TEAD1: variants seen among roughly 807,000 people sequenced by gnomAD.
The protein encoded by TEAD1 is transcriptional enhancer factor TEF-1.
A neutral mutation model predicts 54.9 loss-of-function variants in TEAD1; 9 were observed. That is an observed-to-expected ratio of 0.16 (90% CI 0.10 to 0.29). The LOEUF is 0.29. TEAD1 is among the 10% of genes least tolerant of loss of function. TEAD1 has a pLI of 1.00. For missense variants in TEAD1, 387 were observed against 535.9 expected (o/e 0.72, Z 2.74); for synonymous variants, 200 against 187.8 (o/e 1.07, Z -0.53).
chr11:12,758,345 ATCC>A (rs1292079658), intron 2 of TEAD1, among the ~76,000 whole-genome samples: 1 of 149,830 alleles, frequency 6.7e-6, no homozygotes, highest in African/African-American at 2.5e-5. Flanking sequence ...GGTTTGAGTA[ATCC>A]TCCTGCCTCA....
At chr11:12,744,863 C>T (rs939119782) in intron 2 of TEAD1, among the ~76,000 whole-genome samples, 1 of 152,140 alleles carries the variant, frequency 6.6e-6, no homozygotes. Context: ...CGTTGAGGCA[C>T]CTGGCTCCCC....
At chr11:12,742,623 T>C (rs1250440858) in intron 2 of TEAD1, among the ~76,000 whole-genome samples, 1 of 152,212 alleles carries the variant, frequency 6.6e-6, no homozygotes, top group African/African-American at 2.4e-5. Flanking sequence ...GTGATGGATA[T>C]GTTAATTCAT....
intron 4 of TEAD1, 23 bp from the exon 5 acceptor site, chr11:12,864,815 T>TC (rs765509697): frequency 3.7e-6 from 6 of 1,613,866 alleles, no homozygotes; most frequent in Non-Finnish European, 5.1e-6. Context: ...TCCTTTGTTT[T>TC]CCTCCCTTCC....
intron 3 of TEAD1, among the ~76,000 whole-genome samples, chr11:12,830,545 A>G (rs1329076712): frequency 6.6e-6 from 1 of 151,784 alleles, no homozygotes; most frequent in African/African-American, 2.4e-5. Context: ...GGGAGACTGC[A>G]GCCTCCCCAC....
intron 2 of TEAD1, among the ~76,000 whole-genome samples, chr11:12,738,911 TAGACTTGTTGA>T (rs1278288504): frequency 1.3e-5 from 2 of 152,092 alleles, no homozygotes; most frequent in African/African-American, 4.8e-5. Context: ...ACTGGGGAGA[TAGACTTGTTGA>T]TGGGCAGTTG....
intron 9 of TEAD1, among the ~76,000 whole-genome samples, chr11:12,888,018 T>C (rs1948125182): frequency 6.6e-6 from 1 of 152,238 alleles, no homozygotes; most frequent in South Asian, 2.1e-4. Flanking sequence ...AGAGAACTTA[T>C]AGGTAGTGCT....
intron 3 of TEAD1, among the ~76,000 whole-genome samples, chr11:12,793,981 C>T (rs974759265): frequency 3.3e-5 from 5 of 152,224 alleles, no homozygotes; most frequent in African/African-American, 1.2e-4. Flanking sequence ...ATAATGGAAG[C>T]AGCTATTTCA....
intron 10 of TEAD1, chr11:12,922,560 CTTATT>C (rs1268517958): frequency 2.0e-5 from 3 of 152,096 alleles, no homozygotes; most frequent in Non-Finnish European, 4.4e-5. Context: ...AATGTAGATA[CTTATT>C]TTAAAGTATA....
intron 2 of TEAD1, among the ~76,000 whole-genome samples, chr11:12,706,934 G>A (rs1943828878): frequency 6.6e-6 from 1 of 152,038 alleles, no homozygotes; most frequent in African/African-American, 2.4e-5. Flanking sequence ...AAGGGCATGT[G>A]ATAGGCCCAA....
intron 2 of TEAD1, among the ~76,000 whole-genome samples, chr11:12,688,125 T>C (rs1381718731): frequency 6.6e-6 from 1 of 152,150 alleles, no homozygotes; most frequent in Non-Finnish European, 1.5e-5. Flanking sequence ...TTTTTGAGAA[T>C]GGGAGTGCTT....
chr11:12,790,012 C>T (rs893840754), intron 3 of TEAD1, among the ~76,000 whole-genome samples: 1 of 152,248 alleles, frequency 6.6e-6, no homozygotes, highest in Non-Finnish European at 1.5e-5. Context: ...CAGCTTTCTG[C>T]TTAAGCAGTG....
chr11:12,810,010 T>C (rs1946265053), intron 3 of TEAD1, among the ~76,000 whole-genome samples: 1 of 122,038 alleles, frequency 8.2e-6, no homozygotes, highest in Non-Finnish European at 1.6e-5. Context: ...AGATGGAGCC[T>C]CCCTCTGTCG....
intron 3 of TEAD1, among the ~76,000 whole-genome samples, chr11:12,852,359 G>T (rs7940022): frequency 0.68 from 102,804 of 151,960 alleles, 35,071 homozygotes; most frequent in East Asian, 0.77. Context: ...GCAGGACATG[G>T]TGGGCGCCTG....
chr11:12,768,584 T>A (rs1945253945), intron 3 of TEAD1, among the ~76,000 whole-genome samples: 2 of 152,234 alleles, frequency 1.3e-5, no homozygotes, highest in Admixed American at 1.3e-4. Flanking sequence ...CTAGCAGGTT[T>A]CAAATTCAGG....
At chr11:12,911,379 C>G (rs995616733) in intron 10 of TEAD1, among the ~76,000 whole-genome samples, 1 of 152,174 alleles carries the variant, frequency 6.6e-6, no homozygotes, top group African/African-American at 2.4e-5. Context: ...AGACCTGAGT[C>G]TGTCATTTGG....
chr11:12,902,312 G>A (rs1013968088), intron 10 of TEAD1, among the ~76,000 whole-genome samples, 199 bp downstream of exon 10: 1 of 152,206 alleles, frequency 6.6e-6, no homozygotes, highest in East Asian at 1.9e-4. Flanking sequence ...GGTGCACCTG[G>A]GTGACATTCT....
intron 9 of TEAD1, among the ~76,000 whole-genome samples, chr11:12,893,452 C>T (rs983840604): frequency 6.6e-6 from 1 of 152,180 alleles, no homozygotes; most frequent in Non-Finnish European, 1.5e-5. Context: ...GGCCACTTCC[C>T]CTGTTTCTTC....
chr11:12,793,876 G>A (rs544109098), intron 3 of TEAD1, among the ~76,000 whole-genome samples: 1 of 152,314 alleles, frequency 6.6e-6, no homozygotes, highest in African/African-American at 2.4e-5. Context: ...TTCAAAAGCC[G>A]TTCCTTACTG....
At chr11:12,769,301 A>T (rs1945270709) in intron 3 of TEAD1, among the ~76,000 whole-genome samples, 1 of 152,102 alleles carries the variant, frequency 6.6e-6, no homozygotes, top group African/African-American at 2.4e-5. Context: ...ACAGCATAGG[A>T]CTTAGGATTG....
Sources: gnomAD v4.1 joint callset for allele counts (sites outside exome capture counted in the v4.1 genomes callset) on GRCh38, gnomAD v4.1.1 for gene constraint, MANE v1.5 for transcripts, NCBI Gene and HGNC (gene_info 2026-07-23, HGNC 2026-07-21) for gene names.